Variants in MYO9A observed in about 807,000 individuals in gnomAD.
MYO9A encodes the protein unconventional myosin-IXa.
In MYO9A, 103 loss-of-function variants were observed where a neutral mutation model predicts 293.3. The ratio of observed to expected loss-of-function variants is 0.35; its 90% confidence interval spans 0.30 to 0.41. The LOEUF (loss-of-function observed/expected upper bound fraction) is 0.41, where lower values mean the gene tolerates loss of function less well. Among genes scored for constraint, MYO9A ranks in the 10% least tolerant of loss-of-function variants. The pLI, the probability that MYO9A is intolerant of heterozygous loss-of-function variation, is 1.00. For missense variants in MYO9A, 2,685 were observed against 3,033.0 expected, an observed-to-expected ratio of 0.89 and a Z score of 2.69; for synonymous variants, 1,001 against 1,035.7, an observed-to-expected ratio of 0.97 and a Z score of 0.64.
rs2054344187 is a variant in MYO9A at position 71,823,311 on chromosome 15, C to A, written c.*3269G>T. 1 of 152,216 alleles carries A rather than the reference C, an allele frequency of 6.6e-6. No individual in the cohort carries two copies. Among genetic ancestry groups the A allele is most frequent in the African/African-American group, 2.4e-5 (1 of 41,446 alleles). 9.4% of individuals were successfully genotyped at this position (152,216 alleles called of 1,614,324 possible). A position where few individuals can be genotyped will look rare whatever the true frequency, so the allele number is the denominator to read the frequency against. The stretch of plus-strand genomic sequence containing the variant: ...ACATCTTTTCAGCACATTTCTGTGA[C>A]CCTCTGTTTTTGATGGAGAAAACAA... On this transcript the variant is annotated 3_prime_UTR_variant, in exon 42 of 42. Coordinates refer to ENST00000356056, the MANE Select transcript of MYO9A (RefSeq NM_006901.4).
At chr15:71,835,530 T>G (rs2140846533) in intron 39 of MYO9A, among the ~76,000 whole-genome samples, 1 of 152,270 alleles carries the variant, frequency 6.6e-6, no homozygotes, top group South Asian at 2.1e-4. Flanking sequence ...TACCTATGAT[T>G]GCATTTAAAT....
intron 21 of MYO9A, 89 bp from the exon 22 acceptor site, chr15:71,903,152 T>C (rs2057533328): frequency 1.7e-6 from 2 of 1,163,370 alleles, no homozygotes; most frequent in South Asian, 2.9e-5. Context: ...TAATCTTTTC[T>C]CTTTCTTTTA....
intron 1 of MYO9A, among the ~76,000 whole-genome samples, chr15:72,050,347 A>G (rs1191127546): frequency 6.6e-6 from 1 of 152,028 alleles, no homozygotes; most frequent in Non-Finnish European, 1.5e-5. Flanking sequence ...GGTGGCTCAC[A>G]CCTGTAATCC....
chr15:71,827,307 G>T (rs2054544574), intron 41 of MYO9A, among the ~76,000 whole-genome samples: 1 of 152,138 alleles, frequency 6.6e-6, no homozygotes, highest in Non-Finnish European at 1.5e-5. Context: ...TTCAAAAACT[G>T]CCAGGATATG....
At position 72,031,071 on chromosome 15, in the gene MYO9A, C is replaced by T. The variant is rs2077852684; in HGVS notation, c.935+1423G>A. ...GAATCACACATGAGAGTGATCTAGG[C>T]TGCACACTCCTTATGAGAATTTAAT... On this transcript the variant is annotated intron_variant, in intron 3 of 41. Transcript: ENST00000356056. 3.3e-5 allele frequency among the ~76,000 whole-genome samples: 5 copies of T among 152,224 alleles called. No homozygotes were observed. In the South Asian group the frequency reaches 1.0e-3, roughly 32 times the overall value.
In MYO9A at chr15:72,046,632, T is replaced by A. The variant is rs1044081303; in HGVS notation, c.-69A>T. Reference sequence around the variant, plus strand: ...CGTGCAAACCATTTTCTTGGTAAAATAACTGTAACATAAAAGATGCAAAAT... The same window carrying A: ...CGTGCAAACCATTTTCTTGGTAAAAAAACTGTAACATAAAAGATGCAAAAT... On this transcript the variant is annotated splice_region_variant and 5_prime_UTR_variant, in exon 2 of 42. Coordinates refer to ENST00000356056, the MANE Select transcript of MYO9A (RefSeq NM_006901.4). The A allele has an allele frequency of 6.8e-7, 1 of 1,463,940 alleles. No individual in the cohort carries two copies. Among genetic ancestry groups the A allele is most frequent in the Non-Finnish European group, 9.0e-7 (1 of 1,107,372 alleles). The allele number at this position is 1,463,940 out of a possible 1,614,324, so 90.7% of individuals were successfully genotyped here.
intron 26 of MYO9A, chr15:71,892,473 G>A (rs1300086070): frequency 3.3e-5 from 5 of 152,200 alleles, no homozygotes; most frequent in Admixed American, 6.5e-5. Flanking sequence ...ACTAAACCAC[G>A]GATCAGTAAA....
intron 4 of MYO9A, among the ~76,000 whole-genome samples, chr15:72,021,726 A>C (rs2077507275): frequency 6.6e-6 from 1 of 152,226 alleles, no homozygotes; most frequent in African/African-American, 2.4e-5. Context: ...AGGCTAACCA[A>C]GAAACTTAAA....
chr15:72,079,830 C>T (rs1027862238), intron 1 of MYO9A, among the ~76,000 whole-genome samples: 1 of 152,180 alleles, frequency 6.6e-6, no homozygotes, highest in East Asian at 1.9e-4. Flanking sequence ...TTTTATAAAT[C>T]TTTAAGACTA....
intron 3 of MYO9A, among the ~76,000 whole-genome samples, chr15:72,031,373 C>T (rs185145788): frequency 6.6e-6 from 1 of 152,204 alleles, no homozygotes; most frequent in Non-Finnish European, 1.5e-5. Context: ...GTAGTCCCAG[C>T]TACTCTAGAG....
intron 12 of MYO9A, among the ~76,000 whole-genome samples, chr15:71,973,937 T>C (rs1257791945): frequency 2.0e-5 from 3 of 152,208 alleles, no homozygotes; most frequent in African/African-American, 7.2e-5. Flanking sequence ...AATGGCTATG[T>C]GGCAGTTTCC....
chr15:71,991,018 G>T, intron 11 of MYO9A, 85 bp downstream of exon 11: 2 of 1,217,184 alleles, frequency 1.6e-6, no homozygotes, highest in Non-Finnish European at 1.1e-6. Context: ...AATAAAATGT[G>T]TGAAAAAATG....
rs2058552304 is a variant in MYO9A at position 71,933,838 on chromosome 15, G to T, written c.2523-129C>A. The stretch of plus-strand genomic sequence containing the variant: ...TATATACCCATTACCAAGACTGTAG[G>T]TTCTTTATATGAAAACACTATCTGA... On this transcript the variant is annotated intron_variant, in intron 17 of 41. Transcript: ENST00000356056. 5.3e-6 allele frequency: 4 copies of T among 755,050 alleles called. No individual in the cohort carries two copies. The East Asian group carries it at 1.1e-4, about 21-fold the overall frequency. 46.8% of individuals were successfully genotyped at this position (755,050 alleles called of 1,614,324 possible).
chr15:71,957,320 G>T (rs1421148484), intron 14 of MYO9A, among the ~76,000 whole-genome samples: 1 of 151,736 alleles, frequency 6.6e-6, no homozygotes, highest in Non-Finnish European at 1.5e-5. Context: ...AAATTCCAGG[G>T]TTCTGACAAA....
chr15:72,017,643 CT>C (rs1322352266), intron 6 of MYO9A, among the ~76,000 whole-genome samples: 2 of 151,942 alleles, frequency 1.3e-5, no homozygotes, highest in Non-Finnish European at 2.9e-5. Context: ...TAAAATTTCT[CT>C]AAAAAAAATT....
intron 31 of MYO9A, among the ~76,000 whole-genome samples, chr15:71,876,745 A>G (rs1271059227): frequency 6.6e-6 from 1 of 152,112 alleles, no homozygotes; most frequent in Non-Finnish European, 1.5e-5. Flanking sequence ...ATTGTTTTAA[A>G]GATTTTACTT....
intron 15 of MYO9A, among the ~76,000 whole-genome samples, chr15:71,939,711 T>C (rs906178531): frequency 1.3e-5 from 2 of 152,208 alleles, no homozygotes; most frequent in Non-Finnish European, 2.9e-5. Context: ...ATTTAAAAAA[T>C]GTAATGTTCT....
intron 39 of MYO9A, among the ~76,000 whole-genome samples, chr15:71,839,400 T>C (rs548439017): frequency 2.0e-5 from 3 of 148,746 alleles, no homozygotes; most frequent in African/African-American, 7.5e-5. Context: ...GTGAATCAGG[T>C]TTTTTTTTTC....
rs576701144 is a variant in MYO9A, at chr15:72,020,960, T to C, written c.1056A>G (p.Ala352=). 1.1e-5 allele frequency: 17 copies of C among 1,550,270 alleles called. No individual in the cohort carries two copies. The African/African-American group carries it at 2.3e-4, about 21-fold the overall frequency. ...LAGASEDERS[A]FHLKQPEEYH... ...ATTCCTCTGGTTGCTTAAGATGGAA[T>C]GCTGATCTCTCATCTTCACTTGCTC... Residue 352 remains alanine, a synonymous_variant, in exon 5 of 42, where the codon GCA becomes GCG. Transcript: ENST00000356056.
Sources: gnomAD v4.1 joint callset for allele counts (sites outside exome capture counted in the v4.1 genomes callset) on GRCh38, gnomAD v4.1.1 for gene constraint, MANE v1.5 for transcripts, NCBI Gene and HGNC (gene_info 2026-07-23, HGNC 2026-07-21) for gene names.